ASB11: variants seen among roughly 807,000 people sequenced by gnomAD.
ASB11 encodes ankyrin repeat and SOCS box containing 11.
Under a neutral mutation model 20.1 loss-of-function variants are expected in ASB11, and 17 were observed. The observed-to-expected ratio is 0.85, with a 90% confidence interval of 0.58 to 1.27. The LOEUF (loss-of-function observed/expected upper bound fraction) is 1.27, where lower values mean the gene tolerates loss of function less well. Ranked by LOEUF, ASB11 falls within the 50% of genes most tolerant of loss-of-function variation. The probability of loss-of-function intolerance (pLI) is 0.00; values close to 1 mark genes in which losing one functional copy is unlikely to be tolerated. For synonymous variants in ASB11, 107 were observed against 105.6 expected (o/e 1.01, Z -0.08); for missense variants, 259 against 256.9 (o/e 1.01, Z -0.06).
intron 4 of ASB11, among the ~76,000 whole-genome samples, chrX:15,292,800 C>G (rs764668839): frequency 9.0e-6 from 1 of 111,677 alleles, no homozygotes; most frequent in Non-Finnish European, 1.9e-5. Flanking sequence ...CTATTCTTGC[C>G]TACTAAGGAC....
At chrX:15,300,171 C>T (rs1296188924) in intron 2 of ASB11, among the ~76,000 whole-genome samples, 3 of 112,320 alleles carry the variant, frequency 2.7e-5, no homozygotes, top group African/African-American at 9.7e-5. Context: ...AAAACTGTTA[C>T]GGTGCAAAAT....
At chrX:15,314,007 G>A (rs1029348883) in intron 1 of ASB11, among the ~76,000 whole-genome samples, 5 of 100,354 alleles carry the variant, frequency 5.0e-5, no homozygotes, top group African/African-American at 1.8e-4. Context: ...GCAGTGAGCC[G>A]AGATGGTGCC....
In ASB11 at chrX:15,293,802, A is replaced by G. The variant is rs188178424; in HGVS notation, c.370-482T>C. Among the ~76,000 whole-genome samples the G allele has an allele frequency of 5.1e-3, 544 of 106,169 alleles. 7 individuals are homozygous for G. The highest frequency in any genetic ancestry group is 6.4e-3 in the Non-Finnish European group (330 of 51,832). 92.2% of individuals were successfully genotyped at this position (106,169 alleles called of 115,157 possible). ...CAAAGGGACATAGAAAATAGCCATC[A>G]ACATTTTCTTAATCCAGTCTATCAT... On this transcript the variant is annotated intron_variant, in intron 3 of 6. Transcript: ENST00000480796.
At position 15,293,328 on chromosome X, in the gene ASB11, T is replaced by C; in HGVS notation, c.370-8A>G. 12 of 1,201,692 alleles carry C rather than the reference T, an allele frequency of 1.0e-5. No homozygotes were observed. Among genetic ancestry groups the C allele is most frequent in the Non-Finnish European group, 1.3e-5 (12 of 890,666 alleles). On this transcript the variant is annotated splice_region_variant and splice_polypyrimidine_tract_variant and intron_variant, in intron 3 of 6. Coordinates refer to ENST00000480796, the MANE Select transcript of ASB11 (RefSeq NM_080873.3). ...AACTGTCACTCCATTGACCTAATGA[T>C]GGGCAAAGAGAGACCCAAAGGATTT...
At chrX:15,293,384 T>G in intron 3 of ASB11, 64 bp from the exon 4 acceptor site, 1 of 1,123,606 alleles carries the variant, frequency 8.9e-7, no homozygotes, top group South Asian at 2.1e-5. Context: ...TCCAAGTATG[T>G]CTTCCTATGT....
At chrX:15,312,367 T>C (rs1354943463) in intron 1 of ASB11, among the ~76,000 whole-genome samples, 3 of 66,198 alleles carry the variant, frequency 4.5e-5, no homozygotes, top group African/African-American at 2.0e-4. Context: ...CAAAGACATA[T>C]AAAATAATGT....
At chrX:15,303,935 T>G (rs1477363717) in intron 1 of ASB11, among the ~76,000 whole-genome samples, 2 of 112,677 alleles carry the variant, frequency 1.8e-5, no homozygotes, top group East Asian at 5.5e-4. Flanking sequence ...CAAGACTAAC[T>G]AGTTTAAATG....
At chrX:15,315,065 T>C (rs1161816882) in intron 1 of ASB11, among the ~76,000 whole-genome samples, 1 of 111,963 alleles carries the variant, frequency 8.9e-6, no homozygotes, top group Non-Finnish European at 1.9e-5. Context: ...GAGAATTTAG[T>C]CTGGTTAGAA....
chrX:15,312,509 A>C (rs1273656156), intron 1 of ASB11, among the ~76,000 whole-genome samples: 1 of 33,526 alleles, frequency 3.0e-5, no homozygotes, highest in Admixed American at 2.4e-4. Context: ...GCAGCTTCCA[A>C]AAAAAAAAAA....
At chrX:15,310,213 T>C (rs1360309566) in intron 1 of ASB11, among the ~76,000 whole-genome samples, 1 of 110,637 alleles carries the variant, frequency 9.0e-6, no homozygotes, top group Non-Finnish European at 1.9e-5. Flanking sequence ...TGGAGCTAAT[T>C]GTGAGAAATT....
chrX:15,287,545 T>A (rs1927421614), intron 6 of ASB11, among the ~76,000 whole-genome samples: 1 of 112,467 alleles, frequency 8.9e-6, no homozygotes, highest in South Asian at 3.6e-4. Flanking sequence ...CAGGCTGGTC[T>A]CAAACTCCTG....
At chrX:15,299,528 T>C (rs1046289964) in intron 2 of ASB11, among the ~76,000 whole-genome samples, 2 of 111,487 alleles carry the variant, frequency 1.8e-5, no homozygotes, top group African/African-American at 6.5e-5. Context: ...TCAGAGAGAA[T>C]AGATTGTAAA....
chrX:15,302,281 T>C (rs780994674), intron 2 of ASB11, among the ~76,000 whole-genome samples: 2 of 111,879 alleles, frequency 1.8e-5, no homozygotes, highest in Non-Finnish European at 3.8e-5. Context: ...ATCACCTAGC[T>C]AAGCTGCTCC....
chrX:15,283,227 A>G lies in ASB11; in HGVS notation c.*278T>C. On this transcript the variant is annotated 3_prime_UTR_variant, in exon 7 of 7. Coordinates refer to ENST00000480796, the MANE Select transcript of ASB11 (RefSeq NM_080873.3). Reference sequence around the variant, plus strand: ...CAAGAAGATCCCGAATCATCAAAAAACAGCCTATTGTTTTCACTCTACTTC... The same window carrying G: ...CAAGAAGATCCCGAATCATCAAAAAGCAGCCTATTGTTTTCACTCTACTTC... 8.8e-6 allele frequency: 2 copies of G among 227,855 alleles called. No homozygotes were observed. The highest frequency in any genetic ancestry group is 1.6e-5 in the Non-Finnish European group (2 of 125,258). 18.8% of individuals were successfully genotyped at this position (227,855 alleles called of 1,213,427 possible). A position where few individuals can be genotyped will look rare whatever the true frequency, so the allele number is the denominator to read the frequency against.
intron 6 of ASB11, among the ~76,000 whole-genome samples, chrX:15,284,239 G>C (rs1189806646): frequency 6.6e-5 from 6 of 91,125 alleles, no homozygotes; most frequent in South Asian, 5.4e-4. Context: ...GCGACAGAGC[G>C]AGACTCCGCC....
At chrX:15,291,937 A>G (rs1927543869) in intron 4 of ASB11, 1 of 105,766 alleles carries the variant, frequency 9.5e-6, no homozygotes. Flanking sequence ...TGGGAGGCTG[A>G]GGCAGGAGAA....
chrX:15,307,668 C>T (rs367968494), intron 1 of ASB11, among the ~76,000 whole-genome samples: 6 of 111,587 alleles, frequency 5.4e-5, no homozygotes, highest in African/African-American at 1.6e-4. Flanking sequence ...CTATAAAGTA[C>T]ACAAGGAAGG....
At chrX:15,295,847 G>T (rs1920960392) in intron 3 of ASB11, among the ~76,000 whole-genome samples, 1 of 112,147 alleles carries the variant, frequency 8.9e-6, no homozygotes, top group Non-Finnish European at 1.9e-5. Context: ...TGTGACTCCA[G>T]TCATCTAGCT....
At chrX:15,286,663 C>CAAAAAAAAAAAAAAAAAAAAAAAAA (rs764801887) in intron 6 of ASB11, among the ~76,000 whole-genome samples, 3 of 54,377 alleles carry the variant, frequency 5.5e-5, no homozygotes, top group African/African-American at 2.3e-4. Context: ...GACTCCATCT[C>CAAAAAAAAAAAAAAAAAAAAAAAAA]AAAAAAAAAA....
Sources: gnomAD v4.1 joint callset for allele counts (sites outside exome capture counted in the v4.1 genomes callset) on GRCh38, gnomAD v4.1.1 for gene constraint, MANE v1.5 for transcripts, NCBI Gene and HGNC (gene_info 2026-07-23, HGNC 2026-07-21) for gene names.